Variants in COL22A1 observed in about 807,000 individuals in gnomAD.
The protein encoded by COL22A1 is collagen type XXII alpha 1 chain.
Under a neutral mutation model 248.9 loss-of-function variants are expected in COL22A1, and 221 were observed. The ratio of observed to expected loss-of-function variants is 0.89; its 90% CI spans 0.80 to 0.99. The LOEUF (loss-of-function observed/expected upper bound fraction) is 0.99. COL22A1 is among the 50% of genes least tolerant of loss of function. The pLI is 0.00. For missense variants in COL22A1, 2,240 were observed against 2,179.0 expected, an observed-to-expected ratio of 1.03 and a Z score of -0.56; for synonymous variants, 891 against 793.4, an observed-to-expected ratio of 1.12 and a Z score of -2.07.
intron 56 of COL22A1, among the ~76,000 whole-genome samples, chr8:138,608,460 T>C (rs1818593211): frequency 6.6e-6 from 1 of 152,070 alleles, no homozygotes; most frequent in South Asian, 2.1e-4. Context: ...ATCATTATAC[T>C]CTCATTTAAA....
chr8:138,627,714 C>T (rs372307270), intron 50 of COL22A1, among the ~76,000 whole-genome samples: 24 of 152,298 alleles, frequency 1.6e-4, no homozygotes, highest in African/African-American at 5.8e-4. Context: ...CTGGTCACAA[C>T]ACTACAATAC....
chr8:138,892,310 A>G (rs116759452), intron 1 of COL22A1, among the ~76,000 whole-genome samples: 1 of 152,330 alleles, frequency 6.6e-6, no homozygotes, highest in African/African-American at 2.4e-5. Context: ...GGTGGCACAA[A>G]TGAACATTTC....
At chr8:138,629,539 G>A (rs528988255) in intron 50 of COL22A1, among the ~76,000 whole-genome samples, 11 of 152,258 alleles carry the variant, frequency 7.2e-5, no homozygotes, top group African/African-American at 1.4e-4. Flanking sequence ...TAAACCAGAT[G>A]AGGATCCTAA....
rs900819066 is a variant in COL22A1 at position 138,878,016 on chromosome 8, G to A, written c.392C>T (p.Pro131Leu). ...GTCCCTGGGGCGGCCGCCGGCGTGTGGGGAGAAGCTGCGGGCCGTGATGTA... is the reference window on the plus strand; with the variant it reads ...GTCCCTGGGGCGGCCGCCGGCGTGTAGGGAGAAGCTGCGGGCCGTGATGTA... ...LRYITARSFSPHAGGRPRDRA... is the reference protein window; with the variant it reads ...LRYITARSFSLHAGGRPRDRA... The change falls in exon 3 of 65, where the codon CCA becomes CTA. Residue 131 changes from proline (P) to leucine (L), a missense_variant. Physicochemically the swap from Pro to Leu is moderately conservative, Grantham distance 98. Transcript: ENST00000303045. 2 of 1,588,922 alleles carry A rather than the reference G, an allele frequency of 1.3e-6. No homozygotes were observed. Among genetic ancestry groups the A allele is most frequent in the Non-Finnish European group, 8.6e-7 (1 of 1,167,968 alleles).
chr8:138,852,015 A>T (rs1563844098), intron 3 of COL22A1, among the ~76,000 whole-genome samples: 1 of 151,948 alleles, frequency 6.6e-6, no homozygotes, highest in East Asian at 1.9e-4. Flanking sequence ...TACTTGGGGA[A>T]GGGGGGATTG....
chr8:138,799,142 C>T (rs1359689284), intron 11 of COL22A1, among the ~76,000 whole-genome samples: 2 of 152,084 alleles, frequency 1.3e-5, no homozygotes, highest in African/African-American at 4.8e-5. Context: ...ATTTTAAACC[C>T]CAGAACTTAC....
rs1388426928 is a variant in COL22A1, at chr8:138,677,801, T to C, written c.3073-1166A>G. Among the ~76,000 whole-genome samples the C allele has an allele frequency of 2.0e-5, 3 of 152,222 alleles. No homozygotes were observed. In the South Asian group the frequency reaches 6.2e-4, roughly 32 times the overall value. On this transcript the variant is annotated intron_variant, in intron 40 of 64. Transcript: ENST00000303045. ...CCCAACAGTTTTGTGTAGGAGGCCA[T>C]GATCCTGAGCTTATTCAGCCAGCTG... is the stretch of plus-strand genomic sequence containing the variant.
intron 35 of COL22A1, among the ~76,000 whole-genome samples, chr8:138,692,480 T>A (rs1224391338): frequency 1.6e-4 from 10 of 63,124 alleles, no homozygotes; most frequent in Non-Finnish European, 3.9e-5. Flanking sequence ...TGTGTGTGTG[T>A]GTGTGTGTGT....
chr8:138,872,009 C>A (rs1383832343), intron 3 of COL22A1, among the ~76,000 whole-genome samples: 2 of 152,198 alleles, frequency 1.3e-5, no homozygotes, highest in South Asian at 2.1e-4. Flanking sequence ...CAAGGAGGAA[C>A]TGACCCCACA....
intron 10 of COL22A1, among the ~76,000 whole-genome samples, chr8:138,804,601 A>G (rs1233743007): frequency 2.6e-5 from 4 of 152,194 alleles, no homozygotes; most frequent in African/African-American, 9.6e-5. Context: ...AACCCCTGCC[A>G]TCCTCCTCAC....
intron 35 of COL22A1, among the ~76,000 whole-genome samples, chr8:138,691,677 G>C (rs1826905740): frequency 8.5e-6 from 1 of 117,124 alleles, no homozygotes; most frequent in African/African-American, 3.1e-5. Flanking sequence ...GTGTGTATAT[G>C]TGTACAGTGC....
At chr8:138,847,314 G>A (rs189630212) in intron 3 of COL22A1, among the ~76,000 whole-genome samples, 5 of 152,190 alleles carry the variant, frequency 3.3e-5, no homozygotes, top group Admixed American at 6.5e-5. Context: ...CATGGGGTTC[G>A]TTATGATTTT....
chr8:138,693,726 G>A, intron 34 of COL22A1, 27 bp from the exon 35 acceptor site: 1 of 1,556,320 alleles, frequency 6.4e-7, no homozygotes, highest in East Asian at 2.4e-5. Context: ...AGAGGGGCGG[G>A]GGTAAGACAC....
intron 30 of COL22A1, among the ~76,000 whole-genome samples, chr8:138,710,722 G>A (rs1286339395): frequency 2.6e-5 from 4 of 152,040 alleles, no homozygotes; most frequent in Admixed American, 6.6e-5. Context: ...AGCTCAGAAT[G>A]CATGCCCTTT....
chr8:138,666,018 G>A (rs1275465232), intron 41 of COL22A1, among the ~76,000 whole-genome samples: 1 of 151,666 alleles, frequency 6.6e-6, no homozygotes, highest in Non-Finnish European at 1.5e-5. Flanking sequence ...AACCTATGCA[G>A]AGTGGCAACT....
chr8:138,695,140 G>A (rs1177164026), intron 32 of COL22A1, among the ~76,000 whole-genome samples: 1 of 152,150 alleles, frequency 6.6e-6, no homozygotes, highest in Non-Finnish European at 1.5e-5. Context: ...TCCTGTTACA[G>A]CAGGTCAGTG....
intron 37 of COL22A1, among the ~76,000 whole-genome samples, chr8:138,687,797 C>T (rs538042152): frequency 5.9e-5 from 9 of 152,340 alleles, no homozygotes; most frequent in African/African-American, 2.2e-4. Context: ...AACCTTGGCA[C>T]TATTGACCTT....
At chr8:138,872,621 G>A (rs575450314) in intron 3 of COL22A1, among the ~76,000 whole-genome samples, 4 of 152,330 alleles carry the variant, frequency 2.6e-5, no homozygotes, top group South Asian at 2.1e-4. Context: ...CTGATGCTCC[G>A]GGGCTGGCCT....
chr8:138,606,921 G>C (rs1003004399), intron 57 of COL22A1, among the ~76,000 whole-genome samples: 2 of 152,128 alleles, frequency 1.3e-5, no homozygotes, highest in East Asian at 3.9e-4. Context: ...TGCACTAGGG[G>C]AGGTGATGGG....
Sources: allele counts gnomAD v4.1 joint callset (sites outside exome capture counted in the v4.1 genomes callset), GRCh38; gene constraint gnomAD v4.1.1; transcripts MANE v1.5; gene names NCBI Gene and HGNC (gene_info 2026-07-23, HGNC 2026-07-21).